Variants in PRELID2 observed in about 807,000 individuals in gnomAD.
PRELID2 encodes the protein PRELI domain-containing protein 2.
Under a neutral mutation model 28.4 loss-of-function variants are expected in PRELID2, and 25 were observed. The ratio of observed to expected loss-of-function variants is 0.88; its 90% CI spans 0.64 to 1.23. The LOEUF is 1.23. PRELID2 is among the 50% of genes most tolerant of loss of function. PRELID2 has a pLI of 0.00. For synonymous variants in PRELID2, 76 were observed against 71.6 expected (o/e 1.06, Z -0.31); for missense variants, 201 against 214.4 (o/e 0.94, Z 0.39).
chr5:145,265,594 G>A, the PRELID2 span, among the ~76,000 whole-genome samples: 1 of 152,030 alleles, frequency 6.6e-6, no homozygotes, highest in East Asian at 1.9e-4. Context: ...GTCACCAAAA[G>A]AGCATGGTAT....
intron 1 of PRELID2, among the ~76,000 whole-genome samples, chr5:145,513,333 G>C (rs577395199): frequency 6.6e-6 from 1 of 151,578 alleles, no homozygotes; most frequent in African/African-American, 2.4e-5. Flanking sequence ...CAAGAACTTC[G>C]TGAAGCATAC....
the PRELID2 span, among the ~76,000 whole-genome samples, chr5:145,258,531 C>A: frequency 2.0e-5 from 3 of 152,026 alleles, no homozygotes; most frequent in South Asian, 2.1e-4. Context: ...TGCCTCTGCC[C>A]AAGGGATAGG....
the PRELID2 span, among the ~76,000 whole-genome samples, chr5:145,413,611 TACACACACACAC>T: frequency 5.7e-4 from 80 of 140,166 alleles, no homozygotes; most frequent in African/African-American, 1.0e-3. Context: ...ATGAAGAAAA[TACACACACACAC>T]ACACACACAC....
At chr5:145,315,739 T>C in the PRELID2 span, among the ~76,000 whole-genome samples, 2 of 152,078 alleles carry the variant, frequency 1.3e-5, no homozygotes, top group Non-Finnish European at 2.9e-5. Flanking sequence ...CACATCCATA[T>C]AATGGAATGC....
At chr5:145,749,371 C>T (rs1321193927) in intron 1 of PRELID2, among the ~76,000 whole-genome samples, 1 of 152,194 alleles carries the variant, frequency 6.6e-6, no homozygotes, top group African/African-American at 2.4e-5. Flanking sequence ...AAAAGCTCAT[C>T]ATCACTGATT....
At chr5:145,354,894 G>A in the PRELID2 span, among the ~76,000 whole-genome samples, 1 of 152,094 alleles carries the variant, frequency 6.6e-6, no homozygotes, top group Non-Finnish European at 1.5e-5. Flanking sequence ...CATTTGAGCT[G>A]CTCAAATGAT....
chr5:145,813,605 T>C lies in PRELID2; in HGVS notation c.368+4289A>G, dbSNP rs181459213. 3.4e-3 allele frequency among the ~76,000 whole-genome samples: 515 copies of C among 152,302 alleles called. 5 individuals carry two copies. Among genetic ancestry groups the C allele is most frequent in the South Asian group, 4.3e-3 (21 of 4,828 alleles). Reference sequence around the variant, plus strand: ...CAATATCTGCATTCGTATCTTGGCTTAGCAATCTACTGACTGTATCACCTT... The same window carrying C: ...CAATATCTGCATTCGTATCTTGGCTCAGCAATCTACTGACTGTATCACCTT... On this transcript the variant is annotated intron_variant, in intron 4 of 6. Transcript: ENST00000683046.
chr5:145,691,364 A>G (rs1211072803), intron 1 of PRELID2, among the ~76,000 whole-genome samples: 2 of 152,188 alleles, frequency 1.3e-5, no homozygotes, highest in Non-Finnish European at 2.9e-5. Flanking sequence ...GCTAGCCACA[A>G]ATGAATCAAT....
intron 1 of PRELID2, among the ~76,000 whole-genome samples, chr5:145,623,056 G>A (rs1374984272): frequency 6.6e-6 from 1 of 151,866 alleles, no homozygotes; most frequent in African/African-American, 2.4e-5. Flanking sequence ...TAATATAAGG[G>A]TATTTTAGAA....
At chr5:145,688,203 A>G (rs1010676457) in intron 1 of PRELID2, among the ~76,000 whole-genome samples, 1 of 152,210 alleles carries the variant, frequency 6.6e-6, no homozygotes, top group Non-Finnish European at 1.5e-5. Flanking sequence ...GGTGTGACAC[A>G]TGGCAGCCTC....
chr5:145,671,657 C>A (rs1182411529), intron 1 of PRELID2, among the ~76,000 whole-genome samples: 1 of 152,158 alleles, frequency 6.6e-6, no homozygotes, highest in African/African-American at 2.4e-5. Context: ...CAGCAGACAT[C>A]ATTAATCAAT....
intron 1 of PRELID2, among the ~76,000 whole-genome samples, chr5:145,702,050 A>AG (rs1755419928): frequency 6.6e-6 from 1 of 151,934 alleles, no homozygotes; most frequent in African/African-American, 2.4e-5. Context: ...ACTCTGTCTC[A>AG]GGAAAAAAAA....
chr5:145,303,637 G>A, the PRELID2 span, among the ~76,000 whole-genome samples: 1 of 151,984 alleles, frequency 6.6e-6, no homozygotes, highest in Admixed American at 6.6e-5. Context: ...TGTGTGGTCT[G>A]GTATGTCTTT....
At chr5:145,304,239 A>G in the PRELID2 span, among the ~76,000 whole-genome samples, 1 of 152,176 alleles carries the variant, frequency 6.6e-6, no homozygotes, top group Non-Finnish European at 1.5e-5. Flanking sequence ...TTATAAATCA[A>G]ATGTTCACAG....
At position 145,764,911 on chromosome 5, in the gene PRELID2, A is replaced by C; in HGVS notation, c.*10+20T>G. On this transcript the variant is annotated intron_variant, in intron 6 of 6. Coordinates refer to ENST00000683046, the MANE Select transcript of PRELID2 (RefSeq NM_205846.3). ...AATATGGCTTGTGTAAATAATTCTG[A>C]CTTTGCTTTTGGTACTCACTGATGA... 6.3e-7 allele frequency: 1 copy of C among 1,577,472 alleles called. No individual in the cohort carries two copies.
chr5:145,495,775 C>T (rs891563672), intron 1 of PRELID2, among the ~76,000 whole-genome samples: 1 of 152,160 alleles, frequency 6.6e-6, no homozygotes, highest in Non-Finnish European at 1.5e-5. Context: ...ACTCATTAGA[C>T]TTTGCTGGGA....
At chr5:145,695,977 T>C (rs1054328936) in intron 1 of PRELID2, among the ~76,000 whole-genome samples, 4 of 152,100 alleles carry the variant, frequency 2.6e-5, no homozygotes, top group African/African-American at 4.8e-5. Flanking sequence ...TAATTAACTA[T>C]GTTAACATAT....
At chr5:145,362,155 T>C in the PRELID2 span, among the ~76,000 whole-genome samples, 1 of 152,128 alleles carries the variant, frequency 6.6e-6, no homozygotes, top group East Asian at 1.9e-4. Context: ...AATAAATATA[T>C]GCTAAATGAA....
the PRELID2 span, among the ~76,000 whole-genome samples, chr5:145,305,207 T>C: frequency 6.6e-6 from 1 of 152,126 alleles, no homozygotes; most frequent in Non-Finnish European, 1.5e-5. Flanking sequence ...AGCAAAAGGA[T>C]GAGTAGTAAC....
Sources: allele counts gnomAD v4.1 joint callset (sites outside exome capture counted in the v4.1 genomes callset), GRCh38; gene constraint gnomAD v4.1.1; transcripts MANE v1.5; gene names NCBI Gene and HGNC (gene_info 2026-07-23, HGNC 2026-07-21).